Variants in DLGAP2 observed in about 807,000 individuals in gnomAD.
DLGAP2 encodes the protein disks large-associated protein 2.
A neutral mutation model predicts 100.3 loss-of-function variants in DLGAP2; 26 were observed. The observed-to-expected ratio is 0.26, with a 90% CI of 0.19 to 0.36. The LOEUF (loss-of-function observed/expected upper bound fraction) is 0.36, where lower values mean the gene tolerates loss of function less well. Among genes scored for constraint, DLGAP2 ranks in the 10% least tolerant of loss-of-function variants. DLGAP2 has a pLI of 1.00. For missense variants in DLGAP2, 1,858 were observed against 1,453.2 expected, an observed-to-expected ratio of 1.28 and a Z score of -4.53; for synonymous variants, 886 against 630.1, an observed-to-expected ratio of 1.41 and a Z score of -6.08.
chr8:1,391,956 T>G (rs1160074676), intron 3 of DLGAP2, among the ~76,000 whole-genome samples: 1 of 152,160 alleles, frequency 6.6e-6, no homozygotes, highest in Admixed American at 6.5e-5. Context: ...AAATAACCCA[T>G]TGTTGTGATG....
At chr8:980,549 GC>G (rs1563126281) in intron 2 of DLGAP2, among the ~76,000 whole-genome samples, 1 of 152,142 alleles carries the variant, frequency 6.6e-6, no homozygotes, top group Non-Finnish European at 1.5e-5. Flanking sequence ...TTCTCTCTTC[GC>G]CAATTCATTC....
At chr8:850,915 C>G (rs1460257478) in intron 1 of DLGAP2, among the ~76,000 whole-genome samples, 1 of 152,038 alleles carries the variant, frequency 6.6e-6, no homozygotes, top group Non-Finnish European at 1.5e-5. Flanking sequence ...TTCACTCTCT[C>G]TGTTTTCACT....
chr8:1,620,875 T>C (rs1797310227), intron 6 of DLGAP2, among the ~76,000 whole-genome samples: 1 of 152,210 alleles, frequency 6.6e-6, no homozygotes, highest in South Asian at 2.1e-4. Flanking sequence ...TCAAGCTGTC[T>C]GGGGTGTCCC....
intron 6 of DLGAP2, among the ~76,000 whole-genome samples, chr8:1,598,575 T>C (rs868518461): frequency 4.6e-5 from 7 of 152,342 alleles, no homozygotes; most frequent in Middle Eastern, 3.4e-3. Flanking sequence ...ATTTGACTTA[T>C]TCCTCATTTA....
intron 6 of DLGAP2, among the ~76,000 whole-genome samples, chr8:1,570,189 A>G (rs1802597005): frequency 6.6e-6 from 1 of 152,138 alleles, no homozygotes; most frequent in Admixed American, 6.5e-5. Context: ...GAAAGACAAG[A>G]CCGGGGAGGC....
rs531005842 is a variant in DLGAP2, at chr8:1,241,320, C to G, written c.74-17531C>G. Among the ~76,000 whole-genome samples, 5 of 152,062 alleles carry G rather than the reference C, an allele frequency of 3.3e-5. No homozygotes were observed. In the South Asian group the frequency reaches 6.2e-4, roughly 19 times the overall value. ...CATGGAGCCGTGTCTAGTTCTCTCA[C>G]ATGGCACTGTGTCTAGTTGTCTCAC... is the stretch of plus-strand genomic sequence containing the variant. On this transcript the variant is annotated intron_variant, in intron 2 of 14. Coordinates refer to ENST00000637795, the MANE Select transcript of DLGAP2 (RefSeq NM_001346810.2).
intron 6 of DLGAP2, among the ~76,000 whole-genome samples, chr8:1,573,454 C>G (rs1224005571): frequency 1.3e-5 from 2 of 151,704 alleles, no homozygotes; most frequent in East Asian, 1.9e-4. Context: ...GTGGGGGCAT[C>G]TAATGGGATT....
chr8:774,233 A>G (rs1206438564), intron 1 of DLGAP2, among the ~76,000 whole-genome samples: 1 of 152,122 alleles, frequency 6.6e-6, no homozygotes, highest in South Asian at 2.1e-4. Flanking sequence ...AGTTCATTGT[A>G]GATTCTGGAT....
At chr8:1,252,559 C>G (rs1302504525) in intron 2 of DLGAP2, among the ~76,000 whole-genome samples, 2 of 152,230 alleles carry the variant, frequency 1.3e-5, no homozygotes, top group Non-Finnish European at 2.9e-5. Flanking sequence ...GTCTCACAGT[C>G]ATGTCCTGGG....
intron 3 of DLGAP2, among the ~76,000 whole-genome samples, chr8:1,291,948 A>G (rs547399069): frequency 5.3e-4 from 80 of 152,268 alleles, no homozygotes; most frequent in African/African-American, 1.9e-3. Flanking sequence ...TAATCACACA[A>G]TCCAGGGGCC....
chr8:1,326,230 T>C (rs1164936365), intron 3 of DLGAP2, among the ~76,000 whole-genome samples: 1 of 152,202 alleles, frequency 6.6e-6, no homozygotes, highest in African/African-American at 2.4e-5. Context: ...CAGTTTTAAA[T>C]AAAAATAAAA....
At chr8:1,203,860 C>T (rs992947858) in intron 2 of DLGAP2, among the ~76,000 whole-genome samples, 2 of 152,152 alleles carry the variant, frequency 1.3e-5, no homozygotes, top group South Asian at 2.1e-4. Flanking sequence ...AAGGCAGGCT[C>T]GTTCTCATTT....
At chr8:1,517,733 T>A (rs1270059590) in intron 4 of DLGAP2, among the ~76,000 whole-genome samples, 1 of 152,212 alleles carries the variant, frequency 6.6e-6, no homozygotes, top group Non-Finnish European at 1.5e-5. Flanking sequence ...CAGTTACGCT[T>A]GGAGTTTTGG....
chr8:821,320 T>C (rs1295206606), intron 1 of DLGAP2, among the ~76,000 whole-genome samples: 1 of 152,174 alleles, frequency 6.6e-6, no homozygotes, highest in Non-Finnish European at 1.5e-5. Flanking sequence ...ATATAAAGTG[T>C]ATGTAGGAGA....
chr8:1,201,552 A>G (rs1355361765), intron 2 of DLGAP2, among the ~76,000 whole-genome samples: 4 of 152,198 alleles, frequency 2.6e-5, no homozygotes, highest in South Asian at 2.1e-4. Flanking sequence ...CTCCGGACGG[A>G]TATAGATCGC....
chr8:747,018 G>C (rs73523296), intron 1 of DLGAP2, among the ~76,000 whole-genome samples: 30,165 of 151,988 alleles, frequency 0.2, 3,473 homozygotes, highest in African/African-American at 0.29. Flanking sequence ...CCAGTGGCTA[G>C]GAAGGGAAAT....
intron 2 of DLGAP2, among the ~76,000 whole-genome samples, chr8:1,236,185 A>C (rs1458103946): frequency 8.8e-6 from 1 of 113,162 alleles, no homozygotes; most frequent in African/African-American, 3.7e-5. Flanking sequence ...TCTCTCACAC[A>C]GAGCATCGTG....
At chr8:1,527,379 C>G (rs1800830254) in intron 4 of DLGAP2, among the ~76,000 whole-genome samples, 1 of 152,250 alleles carries the variant, frequency 6.6e-6, no homozygotes, top group African/African-American at 2.4e-5. Context: ...GTCACCGTCA[C>G]AGGCAAGCTC....
chr8:1,513,016 T>G lies in DLGAP2; in HGVS notation c.172+11585T>G, dbSNP rs561427497. 4.0e-5 allele frequency among the ~76,000 whole-genome samples: 6 copies of G among 151,376 alleles called. No homozygotes were observed. In the South Asian group the frequency reaches 1.3e-3, roughly 32 times the overall value. On this transcript the variant is annotated intron_variant, in intron 4 of 14. Coordinates refer to ENST00000637795, the MANE Select transcript of DLGAP2 (RefSeq NM_001346810.2). ...TGGGATAAGCATCTGCCTTTCCCAGTGCAGAGGAGGATGGAAGAGGCCACA... is the reference window on the plus strand; with the variant it reads ...TGGGATAAGCATCTGCCTTTCCCAGGGCAGAGGAGGATGGAAGAGGCCACA...
Sources: allele counts gnomAD v4.1 joint callset (sites outside exome capture counted in the v4.1 genomes callset), GRCh38; gene constraint gnomAD v4.1.1; transcripts MANE v1.5; gene names NCBI Gene and HGNC (gene_info 2026-07-23, HGNC 2026-07-21).